Variants in KCNK9 observed in about 807,000 individuals in gnomAD.
KCNK9 encodes potassium two pore domain channel subfamily K member 9, also known as potassium channel subfamily K member 9.
A neutral mutation model predicts 10.8 loss-of-function variants in KCNK9; 1 was observed. The observed-to-expected ratio is 0.09, with a 90% CI of 0.03 to 0.44. KCNK9 has a LOEUF of 0.44. KCNK9 is among the 20% of genes least tolerant of loss of function. The pLI, the probability that KCNK9 is intolerant of heterozygous loss-of-function variation, is 0.97. For missense variants in KCNK9, 303 were observed against 515.0 expected, an observed-to-expected ratio of 0.59 and a Z score of 3.98; for synonymous variants, 231 against 222.7, an observed-to-expected ratio of 1.04 and a Z score of -0.33.
intron 1 of KCNK9, among the ~76,000 whole-genome samples, chr8:139,667,019 G>A (rs982228578): frequency 2.0e-5 from 3 of 152,210 alleles, no homozygotes; most frequent in East Asian, 1.9e-4. Context: ...AGGCCTGCCC[G>A]TCCACCCTGT....
Position 139,661,756 on chromosome 8 carries a change from G to A in KCNK9, c.283+40954C>T, listed in dbSNP as rs116144355. Among the ~76,000 whole-genome samples, 1,214 of 152,344 alleles carry A rather than the reference G, an allele frequency of 8.0e-3. 14 individuals are homozygous for A. The highest frequency in any genetic ancestry group is 0.028 in the African/African-American group (1,158 of 41,578). On this transcript the variant is annotated intron_variant, in intron 1 of 1. Coordinates refer to ENST00000520439, the MANE Select transcript of KCNK9 (RefSeq NM_001282534.2). Reference sequence around the variant, plus strand: ...TGGAGCCTGACACACAGGAAGTGCAGGCTGTGTCACTTTGGGACCAAGCTC... The same window carrying A: ...TGGAGCCTGACACACAGGAAGTGCAAGCTGTGTCACTTTGGGACCAAGCTC...
Position 139,618,272 on chromosome 8 carries a change from G to T in KCNK9, c.1111C>A (p.Arg371=), listed in dbSNP as rs1335179815. 2.5e-6 allele frequency: 4 copies of T among 1,614,156 alleles called. No homozygotes were observed. In the African/African-American group the frequency reaches 5.3e-5, roughly 22 times the overall value. Residue 371 remains arginine, a synonymous_variant, in exon 2 of 2, where the codon CGG becomes AGG. Transcript: ENST00000520439. The surrounding 1 kb of genome is among the most constrained non-coding windows in gnomAD (Gnocchi z 7.9). ...CCTCCCCACACCTAAACGGACTTCC[G>T]GCGTTTCATCAGCCTCTGGTGGTCG... ...FTDHQRLMKR[R]KSV
chr8:139,655,187 C>T (rs1302816065), intron 1 of KCNK9, among the ~76,000 whole-genome samples: 2 of 152,106 alleles, frequency 1.3e-5, no homozygotes, highest in African/African-American at 4.8e-5. Flanking sequence ...GGCTGCAGAC[C>T]CCTGTGGCCT....
downstream of KCNK9, chr8:139,611,544 C>A (rs1018139356): frequency 1.3e-5 from 2 of 152,304 alleles, no homozygotes; most frequent in African/African-American, 4.8e-5. Flanking sequence ...GCAGCCTCCA[C>A]CAGAAGTGTT....
chr8:139,602,228 A>C (rs1387150670), intron 2 of KCNK9, among the ~76,000 whole-genome samples: 1 of 152,228 alleles, frequency 6.6e-6, no homozygotes, highest in Non-Finnish European at 1.5e-5. Context: ...TGGAGGGTGC[A>C]AAGATGGGAG....
intron 1 of KCNK9, among the ~76,000 whole-genome samples, chr8:139,699,080 C>G (rs73726703): frequency 0.014 from 2,159 of 152,334 alleles, 51 homozygotes; most frequent in African/African-American, 0.048. Flanking sequence ...ACCTCTCCTT[C>G]CCTACCTAAG....
intron 1 of KCNK9, among the ~76,000 whole-genome samples, chr8:139,683,520 T>C (rs10091220): frequency 0.031 from 4,733 of 152,278 alleles, 259 homozygotes; most frequent in African/African-American, 0.11. Context: ...CACCAGCCAC[T>C]AGACTTCAAA....
downstream of KCNK9, chr8:139,612,248 C>A (rs1042022276): frequency 1.3e-5 from 2 of 152,264 alleles, no homozygotes; most frequent in African/African-American, 2.4e-5. Context: ...TTAGCCACAG[C>A]AGGGACACTG....
intron 1 of KCNK9, among the ~76,000 whole-genome samples, chr8:139,673,340 G>A (rs1816479260): frequency 3.9e-5 from 6 of 152,220 alleles, no homozygotes; most frequent in African/African-American, 1.4e-4. Context: ...GTTTAAATTA[G>A]GGGATTGTAT....
At chr8:139,614,493 G>A (rs141345777), downstream of KCNK9, among the ~76,000 whole-genome samples, 6 of 152,304 alleles carry the variant, frequency 3.9e-5, no homozygotes, top group Admixed American at 6.5e-5. Flanking sequence ...GTGGGAGCGC[G>A]CAGATGCTTC....
intron 1 of KCNK9, among the ~76,000 whole-genome samples, chr8:139,695,986 T>G (rs1368009576): frequency 6.6e-6 from 1 of 152,110 alleles, no homozygotes; most frequent in Non-Finnish European, 1.5e-5. Context: ...CTGAAATCCC[T>G]CTCATCTTCC....
chr8:139,644,162 T>C (rs990968324), intron 1 of KCNK9, among the ~76,000 whole-genome samples: 39 of 152,232 alleles, frequency 2.6e-4, no homozygotes, highest in Non-Finnish European at 4.4e-5. Flanking sequence ...CCATCATCCC[T>C]GTCCAACTGA....
At chr8:139,645,041 C>A (rs1427227117) in intron 1 of KCNK9, among the ~76,000 whole-genome samples, 1 of 152,206 alleles carries the variant, frequency 6.6e-6, no homozygotes, top group Non-Finnish European at 1.5e-5. Flanking sequence ...GTCAGACCCA[C>A]GCACGGGGTG....
rs111730327 is a variant in KCNK9, at chr8:139,638,931, C to G, written c.284-19832G>C. Reference sequence around the variant, plus strand: ...TGAGTTGCCCCTTTCTCCCATTCACCAGTCCAACTCCTGCTGGGCCTCCAG... The same window carrying G: ...TGAGTTGCCCCTTTCTCCCATTCACGAGTCCAACTCCTGCTGGGCCTCCAG... On this transcript the variant is annotated intron_variant, in intron 1 of 1. Coordinates refer to ENST00000520439, the MANE Select transcript of KCNK9 (RefSeq NM_001282534.2). 4.2e-3 allele frequency among the ~76,000 whole-genome samples: 640 copies of G among 152,264 alleles called. 6 individuals carry two copies. Among genetic ancestry groups the G allele is most frequent in the African/African-American group, 0.015 (613 of 41,550 alleles).
intron 1 of KCNK9, among the ~76,000 whole-genome samples, chr8:139,649,919 C>T (rs933333035): frequency 2.2e-4 from 33 of 152,220 alleles, no homozygotes; most frequent in African/African-American, 7.5e-4. Flanking sequence ...GAATTCTGCA[C>T]TCCCCAAGGA....
chr8:139,632,677 C>A (rs1815209728), intron 1 of KCNK9, among the ~76,000 whole-genome samples: 1 of 152,174 alleles, frequency 6.6e-6, no homozygotes, highest in African/African-American at 2.4e-5. Flanking sequence ...TCCCATTCCC[C>A]CCGCTCCCTC....
downstream of KCNK9, among the ~76,000 whole-genome samples, chr8:139,614,611 G>A (rs147049339): frequency 2.9e-4 from 44 of 152,346 alleles, no homozygotes; most frequent in African/African-American, 8.7e-4. Flanking sequence ...GATACTAGCT[G>A]TAGGGACAAC....
rs77935284 is a variant in KCNK9 at position 139,649,208 on chromosome 8, T to A, written c.284-30109A>T. On this transcript the variant is annotated intron_variant, in intron 1 of 1. Coordinates refer to ENST00000520439, the MANE Select transcript of KCNK9 (RefSeq NM_001282534.2). ...TGGACTCCGGTTAAATTATCCTTTT[T>A]CACTGTAACTCAGCTGGTGGAAAAT... is the stretch of plus-strand genomic sequence containing the variant. Among the ~76,000 whole-genome samples the A allele has an allele frequency of 9.3e-4, 141 of 152,308 alleles. 1 individual carries two copies. Among genetic ancestry groups the A allele is most frequent in the Admixed American group, 6.8e-3 (104 of 15,306 alleles).
intron 1 of KCNK9, among the ~76,000 whole-genome samples, chr8:139,680,112 C>T (rs1816654758): frequency 6.6e-6 from 1 of 152,144 alleles, no homozygotes; most frequent in East Asian, 1.9e-4. Flanking sequence ...AGGAGTGATG[C>T]CCAAGGCCAG....
Sources: gnomAD v4.1 joint callset for allele counts (sites outside exome capture counted in the v4.1 genomes callset) on GRCh38, gnomAD v4.1.1 for gene constraint, Gnocchi (gnomAD v3.1) non-coding constraint, MANE v1.5 for transcripts, NCBI Gene and HGNC (gene_info 2026-07-23, HGNC 2026-07-21) for gene names.